EYS: variants seen among roughly 807,000 people sequenced by gnomAD.
EYS encodes EGF-like photoreceptor maintenance factor.
A neutral mutation model predicts 282.1 loss-of-function variants in EYS; 250 were observed. The ratio of observed to expected loss-of-function variants is 0.89; its 90% CI spans 0.80 to 0.98. The LOEUF (loss-of-function observed/expected upper bound fraction) is 0.98, where lower values mean the gene tolerates loss of function less well. Ranked by LOEUF, EYS falls within the 50% of genes least tolerant of loss-of-function variation. The pLI is 0.00. For missense variants in EYS, 4,016 were observed against 3,709.0 expected, an observed-to-expected ratio of 1.08 and a Z score of -2.15; for synonymous variants, 1,355 against 1,282.9, an observed-to-expected ratio of 1.06 and a Z score of -1.20.
intron 29 of EYS, among the ~76,000 whole-genome samples, chr6:64,354,125 T>C (rs1454416293): frequency 2.6e-5 from 4 of 151,604 alleles, no homozygotes; most frequent in African/African-American, 9.7e-5. Flanking sequence ...GGTTTGTTTC[T>C]GAAAACAAAA....
Position 64,978,685 on chromosome 6 carries a change from T to C in EYS, c.2259+18897A>G, listed in dbSNP as rs147242696. Among the ~76,000 whole-genome samples the C allele has an allele frequency of 3.1e-3, 471 of 152,084 alleles. 3 individuals carry two copies. Among genetic ancestry groups the C allele is most frequent in the Non-Finnish European group, 4.2e-3 (283 of 67,928 alleles). ...AAAGATTCACAATTCTAGATGCCATTAAGAATATTCAGGATTTATGGACAG... is the reference window on the plus strand; with the variant it reads ...AAAGATTCACAATTCTAGATGCCATCAAGAATATTCAGGATTTATGGACAG... On this transcript the variant is annotated intron_variant, in intron 14 of 42. Coordinates refer to ENST00000503581, the MANE Select transcript of EYS (RefSeq NM_001142800.2).
chr6:65,675,677 A>C (rs1023532716), intron 1 of EYS, among the ~76,000 whole-genome samples: 2 of 151,822 alleles, frequency 1.3e-5, no homozygotes, highest in Non-Finnish European at 2.9e-5. Flanking sequence ...TCCCCTTTTA[A>C]TTATGGATAG....
intron 13 of EYS, among the ~76,000 whole-genome samples, chr6:64,998,238 T>C (rs1288853611): frequency 6.6e-6 from 1 of 152,212 alleles, no homozygotes; most frequent in Non-Finnish European, 1.5e-5. Context: ...ATGATCACAA[T>C]TTGTTCTTCA....
intron 5 of EYS, among the ~76,000 whole-genome samples, chr6:65,460,868 T>C (rs1361843275): frequency 6.6e-6 from 1 of 152,106 alleles, no homozygotes; most frequent in African/African-American, 2.4e-5. Context: ...TATAAAAGAA[T>C]TGGCATATAT....
intron 29 of EYS, among the ~76,000 whole-genome samples, chr6:64,352,098 C>A (rs1294853101): frequency 4.0e-5 from 6 of 151,428 alleles, no homozygotes; most frequent in Admixed American, 4.0e-4. Flanking sequence ...AACCCAGGAC[C>A]AACACCACTA....
At chr6:65,135,623 A>ACT (rs1279017047) in intron 12 of EYS, among the ~76,000 whole-genome samples, 3 of 151,996 alleles carry the variant, frequency 2.0e-5, no homozygotes, top group African/African-American at 7.2e-5. Context: ...AGTCTGTTAA[A>ACT]TATCACTTCA....
chr6:64,921,599 A>C (rs1424195988), intron 15 of EYS, among the ~76,000 whole-genome samples: 1 of 152,198 alleles, frequency 6.6e-6, no homozygotes, highest in African/African-American at 2.4e-5. Flanking sequence ...AGTGATATTC[A>C]AAAAGCCTTT....
chr6:64,552,197 A>C (rs948104890), intron 26 of EYS, among the ~76,000 whole-genome samples: 6 of 152,236 alleles, frequency 3.9e-5, no homozygotes, highest in Admixed American at 2.6e-4. Flanking sequence ...GCCAGCATTA[A>C]CACTAAAACA....
chr6:65,224,498 A>G (rs750506791), intron 12 of EYS, among the ~76,000 whole-genome samples: 15 of 152,190 alleles, frequency 9.9e-5, no homozygotes, highest in Non-Finnish European at 2.2e-4. Context: ...TTACACCTTA[A>G]GGAATCAGAA....
At chr6:64,853,935 T>C (rs1030150194) in intron 19 of EYS, among the ~76,000 whole-genome samples, 1 of 151,490 alleles carries the variant, frequency 6.6e-6, no homozygotes, top group Non-Finnish European at 1.5e-5. Flanking sequence ...AAAAAGTGGG[T>C]GAAGGATATG....
chr6:64,656,622 T>G (rs2149882883), intron 22 of EYS, among the ~76,000 whole-genome samples: 1 of 152,264 alleles, frequency 6.6e-6, no homozygotes, highest in Middle Eastern at 3.4e-3. Context: ...CCTAGGAAAC[T>G]CTGATCAACC....
At chr6:63,842,694 C>T (rs1771992962) in intron 36 of EYS, among the ~76,000 whole-genome samples, 1 of 152,120 alleles carries the variant, frequency 6.6e-6, no homozygotes, top group Admixed American at 6.5e-5. Flanking sequence ...TGCCTATGTC[C>T]TGAATGGTAT....
intron 2 of EYS, among the ~76,000 whole-genome samples, chr6:65,549,655 T>C (rs1768527176): frequency 6.6e-6 from 1 of 152,232 alleles, no homozygotes; most frequent in Non-Finnish European, 1.5e-5. Flanking sequence ...TTATTGAAAT[T>C]CTTAAAACAT....
chr6:65,467,153 T>C (rs1439854398), intron 5 of EYS, among the ~76,000 whole-genome samples: 6 of 152,168 alleles, frequency 3.9e-5, no homozygotes, highest in Admixed American at 3.9e-4. Context: ...TTTAATGTGG[T>C]ACCAGCTGGC....
At chr6:64,182,223 C>A (rs1425676778) in intron 31 of EYS, among the ~76,000 whole-genome samples, 1 of 152,118 alleles carries the variant, frequency 6.6e-6, no homozygotes, top group Non-Finnish European at 1.5e-5. Flanking sequence ...TATGTGAAAT[C>A]ATCATATGGA....
At chr6:64,424,411 G>A (rs944728856) in intron 28 of EYS, among the ~76,000 whole-genome samples, 3 of 152,044 alleles carry the variant, frequency 2.0e-5, no homozygotes, top group Admixed American at 6.6e-5. Flanking sequence ...AGGTTATTGT[G>A]AGCATGCAAA....
At chr6:64,294,271 A>G (rs186321106) in intron 30 of EYS, among the ~76,000 whole-genome samples, 2 of 152,316 alleles carry the variant, frequency 1.3e-5, no homozygotes, top group East Asian at 3.9e-4. Context: ...CTATTGCTAG[A>G]TTTTCTTATA....
intron 34 of EYS, among the ~76,000 whole-genome samples, chr6:63,987,327 AAACT>A (rs1284844452): frequency 6.6e-6 from 1 of 151,662 alleles, no homozygotes; most frequent in Non-Finnish European, 1.5e-5. Context: ...TACCACTGTC[AAACT>A]AAGAGGGAAC....
intron 31 of EYS, among the ~76,000 whole-genome samples, chr6:64,177,370 A>G (rs1353086702): frequency 1.3e-5 from 2 of 151,712 alleles, no homozygotes; most frequent in Non-Finnish European, 2.9e-5. Flanking sequence ...GATTTTCACC[A>G]TATCTTGTAC....
Sources: gnomAD v4.1 joint callset for allele counts (sites outside exome capture counted in the v4.1 genomes callset) on GRCh38, gnomAD v4.1.1 for gene constraint, MANE v1.5 for transcripts, NCBI Gene and HGNC (gene_info 2026-07-23, HGNC 2026-07-21) for gene names.